The following NBAS variants were observed in gnomAD, a reference collection of about 807,000 sequenced individuals.
The protein encoded by NBAS is NBAS subunit of NRZ tethering complex.
Under a neutral mutation model 302.5 loss-of-function variants are expected in NBAS, and 219 were observed. That is an observed-to-expected ratio of 0.72 (90% CI 0.65 to 0.81). The LOEUF is 0.81. Among genes scored for constraint, NBAS ranks in the 30% least tolerant of loss-of-function variants. The pLI is 0.00. For synonymous variants in NBAS, 1,118 were observed against 1,021.6 expected (o/e 1.09, Z -1.80); for missense variants, 2,932 against 2,841.6 (o/e 1.03, Z -0.72).
intron 9 of NBAS, among the ~76,000 whole-genome samples, chr2:15,530,773 C>T (rs540279285): frequency 4.6e-5 from 7 of 151,636 alleles, no homozygotes; most frequent in African/African-American, 1.7e-4. Context: ...AGAAATAATT[C>T]AAAGAATTTT....
intron 44 of NBAS, among the ~76,000 whole-genome samples, chr2:15,241,000 A>G (rs978886304): frequency 6.6e-6 from 1 of 152,118 alleles, no homozygotes; most frequent in African/African-American, 2.4e-5. Flanking sequence ...GTCATCGTGT[A>G]CAAGAGAAGA....
At chr2:15,247,431 C>T (rs1668142364) in intron 44 of NBAS, among the ~76,000 whole-genome samples, 1 of 152,070 alleles carries the variant, frequency 6.6e-6, no homozygotes, top group Non-Finnish European at 1.5e-5. Context: ...AATTAAATGA[C>T]ACAGACTGGC....
At chr2:15,075,467 T>G in the NBAS span, among the ~76,000 whole-genome samples, 1 of 152,198 alleles carries the variant, frequency 6.6e-6, no homozygotes, top group South Asian at 2.1e-4. Context: ...CAAGGCTGTC[T>G]CATGCTGGCT....
chr2:15,094,302 G>A, the NBAS span, among the ~76,000 whole-genome samples: 1 of 152,152 alleles, frequency 6.6e-6, no homozygotes, highest in African/African-American at 2.4e-5. Flanking sequence ...ATAATGAGAA[G>A]TCATAATCTT....
At chr2:15,448,267 C>T (rs1678845830) in intron 21 of NBAS, among the ~76,000 whole-genome samples, 1 of 152,066 alleles carries the variant, frequency 6.6e-6, no homozygotes, top group Non-Finnish European at 1.5e-5. Flanking sequence ...ATGTATATTC[C>T]TATCAAAATC....
intron 50 of NBAS, chr2:15,179,410 T>G: frequency 2.8e-6 from 1 of 351,418 alleles, no homozygotes; most frequent in Non-Finnish European, 5.4e-6. Flanking sequence ...TTTCCTAAAC[T>G]CTCACAGCCC....
At chr2:15,106,901 A>G in the NBAS span, among the ~76,000 whole-genome samples, 1 of 152,110 alleles carries the variant, frequency 6.6e-6, no homozygotes, top group Non-Finnish European at 1.5e-5. Flanking sequence ...GAGAATTGGT[A>G]TAAAACACAT....
the NBAS span, among the ~76,000 whole-genome samples, chr2:14,876,846 C>T: frequency 6.6e-6 from 1 of 152,236 alleles, no homozygotes; most frequent in African/African-American, 2.4e-5. Flanking sequence ...CTTGCTATTC[C>T]TGATGTGTCC....
the NBAS span, among the ~76,000 whole-genome samples, chr2:14,989,293 A>ATGTG: frequency 0.56 from 82,233 of 148,016 alleles, 23,602 homozygotes; most frequent in East Asian, 0.7. Flanking sequence ...ATGTATGTGT[A>ATGTG]TGTGTGTGTG....
intron 19 of NBAS, among the ~76,000 whole-genome samples, chr2:15,463,999 A>G (rs1679620309): frequency 6.6e-6 from 1 of 152,166 alleles, no homozygotes; most frequent in African/African-American, 2.4e-5. Context: ...AGGCAAGAGT[A>G]GAAACATGGA....
At chr2:15,041,609 G>A in the NBAS span, among the ~76,000 whole-genome samples, 1 of 152,242 alleles carries the variant, frequency 6.6e-6, no homozygotes. Flanking sequence ...CTGTGGCTCA[G>A]ATGTGGGGCA....
chr2:15,175,720 A>G lies in NBAS; in HGVS notation c.6840+3268T>C, dbSNP rs1664506972. On this transcript the variant is annotated intron_variant, in intron 51 of 51. Transcript: ENST00000281513. Reference sequence around the variant, plus strand: ...AAAGAGGCTGTTGGCCATTTATAAAAGGTTACACGCACCAGAGGTCTGCAA... The same window carrying G: ...AAAGAGGCTGTTGGCCATTTATAAAGGGTTACACGCACCAGAGGTCTGCAA... Among the ~76,000 whole-genome samples, 5 of 152,328 alleles carry G rather than the reference A, an allele frequency of 3.3e-5. No homozygotes were observed. In the South Asian group the frequency reaches 1.0e-3, roughly 32 times the overall value.
intron 21 of NBAS, among the ~76,000 whole-genome samples, chr2:15,440,899 G>C (rs1403647829): frequency 6.6e-6 from 1 of 151,892 alleles, no homozygotes; most frequent in Non-Finnish European, 1.5e-5. Context: ...TGGAAGAAAG[G>C]GTATCAGCGA....
intron 44 of NBAS, 35 bp from the exon 45 acceptor site, chr2:15,238,721 G>T: frequency 6.4e-7 from 1 of 1,569,620 alleles, no homozygotes; most frequent in Non-Finnish European, 8.7e-7. Flanking sequence ...AAAGAACCCT[G>T]CATTATTACC....
At chr2:15,214,469 T>C (rs1214190598) in intron 48 of NBAS, among the ~76,000 whole-genome samples, 2 of 152,242 alleles carry the variant, frequency 1.3e-5, no homozygotes, top group Non-Finnish European at 2.9e-5. Context: ...TTATCCTTTC[T>C]GGACTTCTGT....
At chr2:14,816,909 G>T in the NBAS span, among the ~76,000 whole-genome samples, 2 of 152,162 alleles carry the variant, frequency 1.3e-5, no homozygotes, top group Admixed American at 6.5e-5. Flanking sequence ...AGTGGGAAAA[G>T]AACTCATCCT....
the NBAS span, among the ~76,000 whole-genome samples, chr2:14,960,572 C>T: frequency 6.6e-6 from 1 of 152,134 alleles, no homozygotes; most frequent in African/African-American, 2.4e-5. Flanking sequence ...GTGAAGAAGT[C>T]TGCTTTAAAA....
At chr2:14,807,456 T>A in the NBAS span, among the ~76,000 whole-genome samples, 54 of 30,368 alleles carry the variant, frequency 1.8e-3, no homozygotes, top group African/African-American at 0.02. Flanking sequence ...TGTGTGTGAG[T>A]GTGTGTGTGT....
At chr2:15,497,013 G>A (rs1681097747) in intron 11 of NBAS, among the ~76,000 whole-genome samples, 1 of 151,616 alleles carries the variant, frequency 6.6e-6, no homozygotes, top group African/African-American at 2.4e-5. Context: ...TAATTAATGA[G>A]GACAAATAAG....
Sources: allele counts gnomAD v4.1 joint callset (sites outside exome capture counted in the v4.1 genomes callset), GRCh38; gene constraint gnomAD v4.1.1; transcripts MANE v1.5; gene names NCBI Gene and HGNC (gene_info 2026-07-23, HGNC 2026-07-21).